Variants in WDR1 observed in about 807,000 individuals in gnomAD.
WDR1 encodes WD repeat-containing protein 1.
Under a neutral mutation model 71.9 loss-of-function variants are expected in WDR1, and 21 were observed. That is an observed-to-expected ratio of 0.29 (90% CI 0.21 to 0.42). The LOEUF (loss-of-function observed/expected upper bound fraction) is 0.42, where lower values mean the gene tolerates loss of function less well. Ranked by LOEUF, WDR1 falls within the 10% of genes least tolerant of loss-of-function variation. WDR1 has a pLI of 1.00. For missense variants in WDR1, 696 were observed against 824.5 expected, an observed-to-expected ratio of 0.84 and a Z score of 1.91; for synonymous variants, 424 against 347.4, an observed-to-expected ratio of 1.22 and a Z score of -2.45.
chr4:10,092,806 G>C (rs1468787786), intron 5 of WDR1: 2 of 343,154 alleles, frequency 5.8e-6, no homozygotes, highest in Non-Finnish European at 1.2e-5. Context: ...GGGGAGTTCA[G>C]GGGCAGCAGC....
intron 5 of WDR1, chr4:10,095,841 A>C (rs917790301): frequency 2.0e-5 from 3 of 152,246 alleles, no homozygotes; most frequent in African/African-American, 7.2e-5. Context: ...ACAGCCACCT[A>C]GCTCTGTGCC....
At chr4:10,106,521 G>C (rs985970229) in intron 2 of WDR1, 14 of 152,388 alleles carry the variant, frequency 9.2e-5, no homozygotes, top group African/African-American at 2.9e-4. Context: ...TCCCAGCCTG[G>C]ACGACCTCCT....
rs1171146705 is a variant in WDR1 at position 10,078,360 on chromosome 4, C to CACACTGTGA, written c.1396-443_1396-435dup. On this transcript the variant is annotated intron_variant, in intron 12 of 14. Coordinates refer to ENST00000499869, the MANE Select transcript of WDR1 (RefSeq NM_017491.5). Reference sequence around the variant, plus strand: ...ACAGAGCACTCAGGACTTGGCCAGGCACACTGTGACCAGACCACACACACA... The same window carrying CACACTGTGA: ...ACAGAGCACTCAGGACTTGGCCAGGCACACTGTGAACACTGTGACCAGACCACACACACA... Among the ~76,000 whole-genome samples the CACACTGTGA allele has an allele frequency of 4.6e-5, 7 of 152,304 alleles. No homozygotes were observed. The East Asian group carries it at 1.4e-3, about 29-fold the overall frequency.
chr4:10,095,750 G>C (rs1712305770), intron 5 of WDR1, among the ~76,000 whole-genome samples: 1 of 152,194 alleles, frequency 6.6e-6, no homozygotes, highest in Non-Finnish European at 1.5e-5. Context: ...CACCCTCCCT[G>C]TGGCTGAGGG....
chr4:10,103,367 A>G (rs1358604521), intron 3 of WDR1, among the ~76,000 whole-genome samples: 1 of 151,996 alleles, frequency 6.6e-6, no homozygotes, highest in Admixed American at 6.6e-5. Context: ...CTTCCCGCAA[A>G]AGGTCCCTGG....
At chr4:10,093,155 C>CACA (rs1460011231) in intron 5 of WDR1, 4 of 1,289,228 alleles carry the variant, frequency 3.1e-6, no homozygotes, top group Non-Finnish European at 3.0e-6. Context: ...CTCCAGCACA[C>CACA]ACATGCTCAC....
chr4:10,077,512 C>T, intron 13 of WDR1, 64 bp from the exon 14 acceptor site: 4 of 1,605,738 alleles, frequency 2.5e-6, no homozygotes, highest in Non-Finnish European at 3.4e-6. Flanking sequence ...GCCCATATCA[C>T]CTCGCTTATC....
chr4:10,093,326 C>T (rs1283229170), intron 5 of WDR1, among the ~76,000 whole-genome samples: 2 of 152,240 alleles, frequency 1.3e-5, no homozygotes, highest in Admixed American at 6.5e-5. Flanking sequence ...TGCCCAGTCC[C>T]ACCCCACACA....
In WDR1 at chr4:10,086,173, C is replaced by T. The variant is rs773561575; in HGVS notation, c.951+1534G>A. 8.9e-4 allele frequency among the ~76,000 whole-genome samples: 135 copies of T among 152,294 alleles called. 2 individuals are homozygous for T. In the Middle Eastern group the frequency reaches 0.02, roughly 23 times the overall value. Reference sequence around the variant, plus strand: ...CACCCGTGTACAATTTCTCACCATCCCACTTGGAGGCCCACTGGAGCATGG... The same window carrying T: ...CACCCGTGTACAATTTCTCACCATCTCACTTGGAGGCCCACTGGAGCATGG... On this transcript the variant is annotated intron_variant, in intron 8 of 14. Coordinates refer to ENST00000499869, the MANE Select transcript of WDR1 (RefSeq NM_017491.5).
At position 10,097,711 on chromosome 4, in the gene WDR1, G is replaced by A. The variant is rs894943538; in HGVS notation, c.558C>T (p.Gly186=). The change falls in exon 5 of 15, where the codon GGC becomes GGT. Residue 186 remains glycine (G), a splice_region_variant and synonymous_variant. Coordinates refer to ENST00000499869, the MANE Select transcript of WDR1 (RefSeq NM_017491.5). ...GPPFKFKFTI[G]DHSRFVNCVR... is the part of the protein sequence containing the mutation. ...TCACCCAAAAAGTAAGTTCACTTAC[G>A]CCAATTGTGAACTTGAACTTGAATG... is the stretch of plus-strand genomic sequence containing the variant. 8 of 1,607,888 alleles carry A rather than the reference G, an allele frequency of 5.0e-6. No individual in the cohort carries two copies. Among genetic ancestry groups the A allele is most frequent in the Middle Eastern group, 3.3e-4 (2 of 6,018 alleles).
At chr4:10,076,273 AACC>A (rs1469691896) in intron 14 of WDR1, 1 of 152,404 alleles carries the variant, frequency 6.6e-6, no homozygotes, top group Admixed American at 6.5e-5. Flanking sequence ...GAGCGCCTTC[AACC>A]ACCAAGCATG....
At chr4:10,113,489 G>A (rs1294311447) in intron 2 of WDR1, among the ~76,000 whole-genome samples, 1 of 152,250 alleles carries the variant, frequency 6.6e-6, no homozygotes, top group Non-Finnish European at 1.5e-5. Flanking sequence ...GCAGCAAGGA[G>A]GCAAGAACGC....
chr4:10,102,759 C>A (rs977387304), intron 3 of WDR1, among the ~76,000 whole-genome samples: 1 of 152,206 alleles, frequency 6.6e-6, no homozygotes, highest in African/African-American at 2.4e-5. Context: ...ATGGTACAAG[C>A]ATAGGGCCAC....
At chr4:10,112,883 G>C (rs769407009) in intron 2 of WDR1, among the ~76,000 whole-genome samples, 1 of 152,262 alleles carries the variant, frequency 6.6e-6, no homozygotes, top group Non-Finnish European at 1.5e-5. Flanking sequence ...TGCTGGCCTG[G>C]AGCTGATGCC....
chr4:10,089,611 C>A (rs537545423), intron 5 of WDR1, among the ~76,000 whole-genome samples: 2 of 152,338 alleles, frequency 1.3e-5, no homozygotes, highest in South Asian at 4.1e-4. Context: ...ACCTGCCCTG[C>A]CCTCTTGCTG....
At chr4:10,094,351 G>A (rs912495734) in intron 5 of WDR1, among the ~76,000 whole-genome samples, 12 of 152,304 alleles carry the variant, frequency 7.9e-5, no homozygotes, top group African/African-American at 1.4e-4. Flanking sequence ...CGGAGGAAGC[G>A]GATGGCCAGA....
Position 10,116,550 on chromosome 4 carries a change from G to A in WDR1, c.16+101C>T, listed in dbSNP as rs919937326. 4.3e-5 allele frequency: 41 copies of A among 942,630 alleles called. 1 individual carries two copies. The Admixed American group carries it at 8.1e-4, about 19-fold the overall frequency. The allele number at this position is 942,630 out of a possible 1,614,324, so 58.4% of individuals were successfully genotyped here. On this transcript the variant is annotated intron_variant, in intron 1 of 14. Transcript: ENST00000499869. ...CGGCCGGCGCCCGCACCCCTCCCCCGCGCCGAGGACTCCCCCGCCACCCGC... is the reference window on the plus strand; with the variant it reads ...CGGCCGGCGCCCGCACCCCTCCCCCACGCCGAGGACTCCCCCGCCACCCGC...
chr4:10,094,397 G>C (rs778528270), intron 5 of WDR1, among the ~76,000 whole-genome samples: 1 of 152,222 alleles, frequency 6.6e-6, no homozygotes, highest in Non-Finnish European at 1.5e-5. Flanking sequence ...TGCGCATGGC[G>C]AAGGCAGACA....
At position 10,077,295 on chromosome 4, in the gene WDR1, G is replaced by A. The variant is rs745475912; in HGVS notation, c.1714+9C>T. ...GTGGTCCCTGCCAAGGCCTGGGGGC[G>A]GAAGTCACCTTGGATCTTGACTCTG... is the stretch of plus-strand genomic sequence containing the variant. On this transcript the variant is annotated intron_variant, in intron 14 of 14. Transcript: ENST00000499869. The A allele has an allele frequency of 1.4e-5, 23 of 1,613,784 alleles. No individual in the cohort carries two copies. Among genetic ancestry groups the A allele is most frequent in the Middle Eastern group, 1.7e-4 (1 of 5,940 alleles).
Sources: allele counts gnomAD v4.1 joint callset (sites outside exome capture counted in the v4.1 genomes callset), GRCh38; gene constraint gnomAD v4.1.1; transcripts MANE v1.5; gene names NCBI Gene and HGNC (gene_info 2026-07-23, HGNC 2026-07-21).